The following BTNL2 variants were observed in gnomAD, a reference collection of about 807,000 sequenced individuals.
BTNL2 encodes butyrophilin-like protein 2.
A neutral mutation model predicts 46.8 loss-of-function variants in BTNL2; 46 were observed. That is an observed-to-expected ratio of 0.98 (90% confidence interval 0.78 to 1.26). BTNL2 has a LOEUF of 1.26. Among genes scored for constraint, BTNL2 ranks in the 50% most tolerant of loss-of-function variants. The probability of loss-of-function intolerance (pLI) is 0.00; values close to 1 mark genes in which losing one functional copy is unlikely to be tolerated. For synonymous variants in BTNL2, 226 were observed against 229.1 expected, an observed-to-expected ratio of 0.99 and a Z score of 0.12; for missense variants, 461 against 592.6, an observed-to-expected ratio of 0.78 and a Z score of 2.31.
intron 4 of BTNL2, among the ~76,000 whole-genome samples, chr6:32,400,511 T>G: frequency 6.6e-6 from 1 of 151,564 alleles, no homozygotes; most frequent in African/African-American, 2.4e-5. Context: ...AGTAAGGAGG[T>G]AAAGGGGAAA....
At chr6:32,397,650 C>T (rs2150311577) in intron 4 of BTNL2, among the ~76,000 whole-genome samples, 1 of 152,304 alleles carries the variant, frequency 6.6e-6, no homozygotes, top group East Asian at 1.9e-4. Context: ...ATACAACTAC[C>T]AAAATCATAA....
chr6:32,397,373 G>T (rs1562249459), intron 4 of BTNL2, among the ~76,000 whole-genome samples: 1 of 152,146 alleles, frequency 6.6e-6, no homozygotes. Flanking sequence ...AGCTGTCTCT[G>T]TACCTCACTT....
rs575660729 is a variant in BTNL2, at chr6:32,396,904, C to T, written c.731-518G>A. 3.3e-5 allele frequency among the ~76,000 whole-genome samples: 5 copies of T among 152,118 alleles called. No individual in the cohort carries two copies. In the East Asian group the frequency reaches 9.8e-4, roughly 30 times the overall value. On this transcript the variant is annotated intron_variant, in intron 4 of 7. Transcript: ENST00000454136. This position sits in a 1 kb window ranked among gnomAD's most constrained non-coding sequence, Gnocchi z 4.4. The stretch of plus-strand genomic sequence containing the variant: ...CTGAGGTGGAAAAATTGCTCGAACC[C>T]GGGAGGCAGAGGTTGCAGTGAGCTG...
chr6:32,396,391 TAAA>T lies in BTNL2; in HGVS notation c.731-8_731-6del, dbSNP rs774754847. 1.9e-6 allele frequency: 3 copies of T among 1,608,238 alleles called. No individual in the cohort carries two copies. In the East Asian group the frequency reaches 6.7e-5, roughly 36 times the overall value. On this transcript the variant is annotated splice_region_variant and splice_polypyrimidine_tract_variant and intron_variant, in intron 4 of 7. Transcript: ENST00000454136. This position sits in a 1 kb window ranked among gnomAD's most constrained non-coding sequence, Gnocchi z 4.4. ...GTCCATTCACTTTTAAAGAAGCTGTTAAATAGAGTGGACAAAACACAATGAAAG... is the reference window on the plus strand; with the variant it reads ...GTCCATTCACTTTTAAAGAAGCTGTTTAGAGTGGACAAAACACAATGAAAG...
rs1180154108 is a variant in BTNL2, at chr6:32,396,383, G to A, written c.734C>T (p.Ser245Phe). The change falls in exon 5 of 8, where the codon TCT becomes TTT. Residue 245 changes from serine to phenylalanine, a missense_variant. By Grantham distance (155) the Ser-to-Phe change is radical. Coordinates refer to ENST00000454136, the MANE Select transcript of BTNL2 (RefSeq NM_001304561.2). This position sits in a 1 kb window ranked among gnomAD's most constrained non-coding sequence, Gnocchi z 4.4. ...LPEKLQTELA[S>F]LKVNGPSQPI... ...CTGGGAAGGTCCATTCACTTTTAAA[G>A]AAGCTGTTAAATAGAGTGGACAAAA... 6.2e-7 allele frequency: 1 copy of A among 1,611,534 alleles called. No homozygotes were observed. Among genetic ancestry groups the A allele is most frequent in the Non-Finnish European group, 8.5e-7 (1 of 1,179,276 alleles).
rs756914377 is a variant in BTNL2, at chr6:32,404,928, C to T, written c.427+11G>A. 5.6e-6 allele frequency: 9 copies of T among 1,609,668 alleles called. No homozygotes were observed. In the East Asian group the frequency reaches 2.0e-4, roughly 36 times the overall value. ...CCTCTTGAGACCCTGTGTCTTTCCC[C>T]AGATATTCACCTGCTACTTTGAGCA... On this transcript the variant is annotated intron_variant, in intron 2 of 7. Coordinates refer to ENST00000454136, the MANE Select transcript of BTNL2 (RefSeq NM_001304561.2).
chr6:32,403,646 C>T (rs115027829), intron 2 of BTNL2: 16,432 of 166,706 alleles, frequency 0.099, 971 homozygotes, highest in East Asian at 0.18. Context: ...AGATTTAACA[C>T]AAAGTCAGAA....
chr6:32,402,456 C>T (rs1776842956), intron 3 of BTNL2, among the ~76,000 whole-genome samples: 1 of 151,742 alleles, frequency 6.6e-6, no homozygotes, highest in Admixed American at 6.6e-5. Context: ...TTTATTAATG[C>T]TATAATGTAT....
Position 32,396,499 on chromosome 6 carries a change from G to T in BTNL2, c.731-113C>A. ...AAACCATGAGCATCCCAGGGTTGCT[G>T]TGAGGCTCAGGGTCATCCTTAGGTG... On this transcript the variant is annotated intron_variant, in intron 4 of 7. Coordinates refer to ENST00000454136, the MANE Select transcript of BTNL2 (RefSeq NM_001304561.2). This position sits in a 1 kb window ranked among gnomAD's most constrained non-coding sequence, Gnocchi z 4.4. The T allele has an allele frequency of 9.3e-7, 1 of 1,072,548 alleles. No individual in the cohort carries two copies. Among genetic ancestry groups the T allele is most frequent in the Admixed American group, 2.0e-5 (1 of 50,252 alleles). The allele number at this position is 1,072,548 out of a possible 1,614,324, so 66.4% of individuals were successfully genotyped here.
chr6:32,400,239 G>A (rs117623763), intron 4 of BTNL2, among the ~76,000 whole-genome samples: 2,668 of 152,262 alleles, frequency 0.018, 77 homozygotes, highest in East Asian at 0.11. Context: ...TAATGGGGTT[G>A]AAGGTGCCAT....
intron 4 of BTNL2, among the ~76,000 whole-genome samples, chr6:32,398,472 A>G (rs1387785249): frequency 6.6e-6 from 1 of 152,142 alleles, no homozygotes; most frequent in East Asian, 1.9e-4. Context: ...AAACAATATT[A>G]TTTTCCTCTC....
Position 32,396,526 on chromosome 6 carries a change from G to C in BTNL2, c.731-140C>G. 1 of 797,006 alleles carries C rather than the reference G, an allele frequency of 1.3e-6. No homozygotes were observed. Among genetic ancestry groups the C allele is most frequent in the South Asian group, 1.5e-5 (1 of 65,434 alleles). The allele number at this position is 797,006 out of a possible 1,614,324, so 49.4% of individuals were successfully genotyped here. On this transcript the variant is annotated intron_variant, in intron 4 of 7. Transcript: ENST00000454136. This position sits in a 1 kb window ranked among gnomAD's most constrained non-coding sequence, Gnocchi z 4.4. The stretch of plus-strand genomic sequence containing the variant: ...GAGGCTCAGGGTCATCCTTAGGTGA[G>C]GTGGGGGTTTCATGGACTCAGAATA...
In BTNL2 at chr6:32,403,012, G is replaced by A. The variant is rs764105475; in HGVS notation, c.632C>T (p.Ala211Val). 1.3e-5 allele frequency: 21 copies of A among 1,612,898 alleles called. No homozygotes were observed. Among genetic ancestry groups the A allele is most frequent in the Non-Finnish European group, 1.7e-5 (20 of 1,179,918 alleles). The change falls in exon 3 of 8, where the codon GCC becomes GTC. Residue 211 changes from alanine (A) to valine (V), a missense_variant. Coordinates refer to ENST00000454136, the MANE Select transcript of BTNL2 (RefSeq NM_001304561.2). ...CAAGCAGGACACAGACTCTGCAGAG[G>A]CGTTCCTGACCACCAGGGTGGCTTC... is the stretch of plus-strand genomic sequence containing the variant. ...YAEATLVVRN[A>V]SAESVSCLVH...
intron 5 of BTNL2, among the ~76,000 whole-genome samples, chr6:32,395,714 T>C (rs117524241): frequency 0.012 from 1,856 of 152,350 alleles, 68 homozygotes; most frequent in East Asian, 0.11. Context: ...TTATTGCATT[T>C]CTCAGAATTC....
chr6:32,404,460 G>A (rs1776984694), intron 2 of BTNL2, among the ~76,000 whole-genome samples: 1 of 152,172 alleles, frequency 6.6e-6, no homozygotes, highest in Admixed American at 6.5e-5. Context: ...TCCAAAGCAC[G>A]ACATTCTTAG....
chr6:32,396,253 G>A lies in BTNL2; in HGVS notation c.864C>T (p.Tyr288=). Residue 288 remains tyrosine (Y), a synonymous_variant, in exon 5 of 8, where the codon TAC becomes TAT. Transcript: ENST00000454136. This position sits in a 1 kb window ranked among gnomAD's most constrained non-coding sequence, Gnocchi z 4.4. ...MEVRWDRSHR[Y]PAVHVYMDGD... Reference sequence around the variant, plus strand: ...CATCCATATACACATGCACAGCAGGGTAACGGTGGGATCGGTCCCACCTCA... The same window carrying A: ...CATCCATATACACATGCACAGCAGGATAACGGTGGGATCGGTCCCACCTCA... 5 of 1,613,080 alleles carry A rather than the reference G, an allele frequency of 3.1e-6. No individual in the cohort carries two copies. In the South Asian group the frequency reaches 3.3e-5, roughly 11 times the overall value.
rs1562253452 is a variant in BTNL2, at chr6:32,400,750, AAAAAAAAAAAAAAT to A, written c.730+1021_730+1034del. Among the ~76,000 whole-genome samples the A allele has an allele frequency of 3.8e-5, 4 of 105,768 alleles. No homozygotes were observed. In the East Asian group the frequency reaches 8.3e-4, roughly 22 times the overall value. The allele number at this position is 105,768 out of a possible 152,430, so 69.4% of individuals were successfully genotyped here. ...TGGTGAAACCCCGTCTCTACTAAAA[AAAAAAAAAAAAAAT>A]TAGCTGGGTGTGGTGGCGCATGCCT... On this transcript the variant is annotated intron_variant, in intron 4 of 7. Transcript: ENST00000454136.
rs116989338 is a variant in BTNL2 at position 32,406,270 on chromosome 6, A to C, written c.79+775T>G. 1.4e-4 allele frequency: 22 copies of C among 152,386 alleles called. 1 individual carries two copies. In the East Asian group the frequency reaches 4.2e-3, roughly 29 times the overall value. The allele number at this position is 152,386 out of a possible 1,614,324, so 9.4% of individuals were successfully genotyped here. On this transcript the variant is annotated intron_variant, in intron 1 of 7. Coordinates refer to ENST00000454136, the MANE Select transcript of BTNL2 (RefSeq NM_001304561.2). ...ATGAAGCTAGAACTGAAGACATTCC[A>C]TCAGATTGACTGTTACAGGGTAGGG...
intron 1 of BTNL2, 38 bp from the exon 2 acceptor site, chr6:32,405,324 A>C: frequency 6.3e-7 from 1 of 1,589,752 alleles, no homozygotes; most frequent in Admixed American, 1.7e-5. Context: ...AGGAAATGCC[A>C]ATCAGAAAAT....
Sources: gnomAD v4.1 joint callset for allele counts (sites outside exome capture counted in the v4.1 genomes callset) on GRCh38, gnomAD v4.1.1 for gene constraint, Gnocchi (gnomAD v3.1) non-coding constraint, MANE v1.5 for transcripts, NCBI Gene and HGNC (gene_info 2026-07-23, HGNC 2026-07-21) for gene names.